The following MTCL2 variants were observed in gnomAD, a reference collection of about 807,000 sequenced individuals.
MTCL2 encodes microtubule cross-linking factor 2.
chr20:36,839,249 C>T, the MTCL2 span: 8 of 1,605,936 alleles, frequency 5.0e-6, no homozygotes, highest in African/African-American at 1.3e-5. The surrounding 1 kb of genome is among the most constrained non-coding windows in gnomAD (Gnocchi z 5.1). Context: ...CGGATAAGCT[C>T]GCCGTCCACC....
the MTCL2 span, chr20:36,784,197 C>T: frequency 3.0e-6 from 3 of 986,240 alleles, no homozygotes; most frequent in Non-Finnish European, 3.6e-6. Flanking sequence ...ATCCCCTCAC[C>T]TGGAGATAAC....
At chr20:36,845,176 C>T in the MTCL2 span, among the ~76,000 whole-genome samples, 1 of 152,228 alleles carries the variant, frequency 6.6e-6, no homozygotes, top group African/African-American at 2.4e-5. Context: ...CCAACCCAGA[C>T]TTGCTGAATC....
chr20:36,821,295 G>A, the MTCL2 span, among the ~76,000 whole-genome samples: 1 of 152,196 alleles, frequency 6.6e-6, no homozygotes, highest in Non-Finnish European at 1.5e-5. Flanking sequence ...GCCGAGGTGG[G>A]TGGATCACCT....
chr20:36,785,738 G>A, the MTCL2 span: 1 of 985,424 alleles, frequency 1.0e-6, no homozygotes. Context: ...GAACGTTGGG[G>A]CCCCAAGTCA....
At chr20:36,796,805 G>C in the MTCL2 span, 3 of 1,426,700 alleles carry the variant, frequency 2.1e-6, no homozygotes, top group Admixed American at 5.1e-5. Flanking sequence ...GTGGGTGCAG[G>C]GCGCAGCAGG....
the MTCL2 span, chr20:36,863,374 G>A: frequency 8.6e-7 from 1 of 1,158,248 alleles, no homozygotes; most frequent in Non-Finnish European, 1.1e-6. This position sits in a 1 kb window ranked among gnomAD's most constrained non-coding sequence, Gnocchi z 6.2. Context: ...AGCGAGCTGC[G>A]CGCATGGCCC....
chr20:36,824,558 T>G, the MTCL2 span, among the ~76,000 whole-genome samples: 1 of 152,126 alleles, frequency 6.6e-6, no homozygotes, highest in Non-Finnish European at 1.5e-5. Context: ...TTTGGGGCCA[T>G]GGAAATGTTC....
the MTCL2 span, chr20:36,780,503 C>A: frequency 6.6e-6 from 1 of 152,332 alleles, no homozygotes; most frequent in Non-Finnish European, 1.5e-5. Flanking sequence ...TATGTTATGG[C>A]CTCCTTGCTA....
At chr20:36,797,419 C>A in the MTCL2 span, 1 of 1,438,900 alleles carries the variant, frequency 6.9e-7, no homozygotes, top group Admixed American at 2.0e-5. Flanking sequence ...GGGTTAGCAA[C>A]TTCCTCTCAT....
At chr20:36,852,162 G>A in the MTCL2 span, among the ~76,000 whole-genome samples, 5 of 152,328 alleles carry the variant, frequency 3.3e-5, no homozygotes, top group African/African-American at 1.2e-4. Context: ...ACTCTGCGAG[G>A]CAGCAACCAC....
the MTCL2 span, among the ~76,000 whole-genome samples, chr20:36,838,578 C>T: frequency 6.6e-6 from 1 of 152,050 alleles, no homozygotes; most frequent in South Asian, 2.1e-4. Context: ...AGAGCAAGAC[C>T]TTGTCTCTAA....
the MTCL2 span, chr20:36,785,004 G>A: frequency 4.1e-6 from 4 of 985,520 alleles, no homozygotes; most frequent in African/African-American, 3.5e-5. Flanking sequence ...GTGTCAGAGG[G>A]AGGGAGGGAA....
chr20:36,786,830 T>C, the MTCL2 span, among the ~76,000 whole-genome samples: 1 of 152,100 alleles, frequency 6.6e-6, no homozygotes, highest in African/African-American at 2.4e-5. Context: ...GGAAGTTCAT[T>C]GTAATATATT....
At chr20:36,809,402 G>C in the MTCL2 span, among the ~76,000 whole-genome samples, 53 of 152,100 alleles carry the variant, frequency 3.5e-4, no homozygotes, top group African/African-American at 1.2e-3. Flanking sequence ...GGCCTGATGA[G>C]GGCACCATTT....
At chr20:36,835,316 G>A in the MTCL2 span, among the ~76,000 whole-genome samples, 4 of 152,172 alleles carry the variant, frequency 2.6e-5, no homozygotes, top group African/African-American at 9.6e-5. Flanking sequence ...GTTGGGGGGG[G>A]GCACTGAGGC....
At chr20:36,819,078 A>T in the MTCL2 span, among the ~76,000 whole-genome samples, 2 of 152,258 alleles carry the variant, frequency 1.3e-5, no homozygotes, top group Non-Finnish European at 2.9e-5. Flanking sequence ...AGAAACAAAA[A>T]GGTTCATAAA....
the MTCL2 span, chr20:36,794,646 T>G: frequency 3.7e-6 from 6 of 1,612,016 alleles, no homozygotes; most frequent in African/African-American, 6.7e-5. The surrounding 1 kb of genome is among the most constrained non-coding windows in gnomAD (Gnocchi z 5.4). Context: ...GAAATAACAC[T>G]GAGGGCACAC....
At chr20:36,824,060 G>A in the MTCL2 span, among the ~76,000 whole-genome samples, 1 of 152,162 alleles carries the variant, frequency 6.6e-6, no homozygotes, top group Non-Finnish European at 1.5e-5. Context: ...AGGAGAGCAA[G>A]GGTGGGGCAA....
At chr20:36,814,574 T>G in the MTCL2 span, among the ~76,000 whole-genome samples, 1 of 151,868 alleles carries the variant, frequency 6.6e-6, no homozygotes, top group Non-Finnish European at 1.5e-5. Flanking sequence ...TATGGCAAGA[T>G]TCCATCTCTA....
Sources: allele counts gnomAD v4.1 joint callset (sites outside exome capture counted in the v4.1 genomes callset), GRCh38; gene constraint gnomAD v4.1.1; non-coding constraint Gnocchi (gnomAD v3.1); transcripts MANE v1.5; gene names NCBI Gene and HGNC (gene_info 2026-07-23, HGNC 2026-07-21).